The following KMT2B variants were observed in gnomAD, a reference collection of about 807,000 sequenced individuals.
The protein encoded by KMT2B is lysine methyltransferase 2B, also known as histone-lysine N-methyltransferase 2B.
Under a neutral mutation model 255.3 loss-of-function variants are expected in KMT2B, and 22 were observed. That is an observed-to-expected ratio of 0.09 (90% CI 0.06 to 0.12). The LOEUF (loss-of-function observed/expected upper bound fraction) is 0.12, where lower values mean the gene tolerates loss of function less well. Ranked by LOEUF, KMT2B falls within the 10% of genes least tolerant of loss-of-function variation. The probability of loss-of-function intolerance (pLI) is 1.00; values close to 1 mark genes in which losing one functional copy is unlikely to be tolerated. For missense variants in KMT2B, 3,149 were observed against 3,737.0 expected (o/e 0.84, Z 4.10); for synonymous variants, 1,730 against 1,498.1 (o/e 1.15, Z -3.57).
Position 35,732,245 on chromosome 19 carries a change from C to G in KMT2B, c.5696C>G (p.Pro1899Arg). 3 of 1,604,862 alleles carry G rather than the reference C, an allele frequency of 1.9e-6. No homozygotes were observed. Among genetic ancestry groups the G allele is most frequent in the Non-Finnish European group, 2.6e-6 (3 of 1,174,730 alleles). ...GSPSSLTHHI[P>R]TVGDPDFPAP... ...CCATCTTCACTGACCCACCACATCC[C>G]CACAGTGGGAGACCCGGACTTCCCA... Residue 1899 changes from proline to arginine, a missense_variant, in exon 28 of 37, where the codon CCC becomes CGC. By Grantham distance (103) the Pro-to-Arg change is moderately radical. Coordinates refer to ENST00000420124, the MANE Select transcript of KMT2B (RefSeq NM_014727.3).
In KMT2B at chr19:35,733,791, C is replaced by T. The variant is rs1568382897; in HGVS notation, c.7078C>T (p.Pro2360Ser). 1.2e-6 allele frequency: 2 copies of T among 1,613,622 alleles called. No individual in the cohort carries two copies. The highest frequency in any genetic ancestry group is 1.7e-5 in the Admixed American group (1 of 59,990). The change falls in exon 30 of 37, where the codon CCA (proline) becomes TCA (serine). Residue 2360 changes from proline (P) to serine (S), a missense_variant. Transcript: ENST00000420124. This position sits in a 1 kb window ranked among gnomAD's most constrained non-coding sequence, Gnocchi z 4.3. ...CCTCCAGGAACGGTCCCCTTTGCTGCCACTTCCGGAAGATGGTCCTCCCCA... is the reference window on the plus strand; with the variant it reads ...CCTCCAGGAACGGTCCCCTTTGCTGTCACTTCCGGAAGATGGTCCTCCCCA... ...GPLQERSPLL[P>S]LPEDGPPQVP...
chr19:35,723,050 G>A lies in KMT2B; in HGVS notation c.2778G>A (p.Lys926=). The part of the protein sequence containing the change: ...ESVPSRSRRG[K]VEAAGPGGES... The stretch of plus-strand genomic sequence containing the variant: ...TCCCGTCACGGTCCCGGCGGGGAAA[G>A]GTGGAGGCAGCAGGCCCTGGGGGAG... The change falls in exon 6 of 37, where the codon AAG becomes AAA. Residue 926 remains lysine, a synonymous_variant. Transcript: ENST00000420124. This position sits in a 1 kb window ranked among gnomAD's most constrained non-coding sequence, Gnocchi z 7.5. 2.5e-6 allele frequency: 4 copies of A among 1,612,362 alleles called. No individual in the cohort carries two copies. Among genetic ancestry groups the A allele is most frequent in the African/African-American group, 2.7e-5 (2 of 75,004 alleles).
Position 35,720,006 on chromosome 19 carries a change from G to A in KMT2B, c.659G>A (p.Arg220Gln), listed in dbSNP as rs369563501. ...ACEPSTPRRS[R>Q]GRPPGRPAGP... ...GAGCCCTCCACCCCCCGGCGGTCTC[G>A]GGGACGGCCCCCAGGACGGCCAGCA... Residue 220 changes from arginine (R) to glutamine (Q), a missense_variant, in exon 3 of 37, where the codon CGG (arginine) becomes CAG (glutamine). Arg to Gln is a conservative substitution (Grantham distance 43). Around this residue, in one of 18 missense-constraint regions of KMT2B, gnomAD observed 1,188 missense variants for 1,106.4 expected, o/e 1.07. Coordinates refer to ENST00000420124, the MANE Select transcript of KMT2B (RefSeq NM_014727.3). 7.1e-5 allele frequency: 115 copies of A among 1,612,684 alleles called. No individual in the cohort carries two copies. The highest frequency in any genetic ancestry group is 9.2e-5 in the Non-Finnish European group (108 of 1,179,572).
rs1475372147 is a variant in KMT2B, at chr19:35,738,679, G to A, written c.*122G>A. Reference sequence around the variant, plus strand: ...TCACCCCCACCCTCATGTTCAGGGTGGATGTGGGCATGCAGGTGACAAGGG... The same window carrying A: ...TCACCCCCACCCTCATGTTCAGGGTAGATGTGGGCATGCAGGTGACAAGGG... On this transcript the variant is annotated 3_prime_UTR_variant, in exon 37 of 37. Transcript: ENST00000420124. The surrounding 1 kb of genome is among the most constrained non-coding windows in gnomAD (Gnocchi z 8.7). 8 of 1,152,834 alleles carry A rather than the reference G, an allele frequency of 6.9e-6. No homozygotes were observed. The highest frequency in any genetic ancestry group is 2.5e-4 in the Middle Eastern group (1 of 3,980). The allele number at this position is 1,152,834 out of a possible 1,614,324, so 71.4% of individuals were successfully genotyped here. A position where few individuals can be genotyped will look rare whatever the true frequency, so the allele number is the denominator to read the frequency against.
rs1041725115 is a variant in KMT2B, at chr19:35,737,654, G to A, written c.7569G>A (p.Met2523Ile). ...CCTGCAGGAAGTGCACCTTTGACAT[G>A]TTCAACTTCCTGGCCTCCCAGCACC... ...EVYLRKCTFD[M>I]FNFLASQHRV... Residue 2523 changes from methionine to isoleucine, a missense_variant, in exon 34 of 37, where the codon ATG becomes ATA. Met to Ile is a conservative substitution (Grantham distance 10). This residue lies in a region of KMT2B where 103 missense variants were observed against 200.7 expected (regional missense o/e 0.51). Coordinates refer to ENST00000420124, the MANE Select transcript of KMT2B (RefSeq NM_014727.3). This position sits in a 1 kb window ranked among gnomAD's most constrained non-coding sequence, Gnocchi z 5.3. 4 of 1,563,560 alleles carry A rather than the reference G, an allele frequency of 2.6e-6. No homozygotes were observed. The highest frequency in any genetic ancestry group is 3.5e-6 in the Non-Finnish European group (4 of 1,153,454).
rs775506137 is a variant in KMT2B, at chr19:35,720,151, C to T, written c.804C>T (p.Cys268=). ...AACATCAGACTGGCAGCTGGAAATG[C>T]AAGGAGGGGCCCGGTCCAGGACCTG... ...PVKHQTGSWK[C]KEGPGPGPGT... The change falls in exon 3 of 37, where the codon TGC becomes TGT. Residue 268 remains cysteine, a synonymous_variant. Coordinates refer to ENST00000420124, the MANE Select transcript of KMT2B (RefSeq NM_014727.3). 7.5e-6 allele frequency: 12 copies of T among 1,599,666 alleles called. No homozygotes were observed. The highest frequency in any genetic ancestry group is 1.7e-5 in the Admixed American group (1 of 57,338).
In KMT2B at chr19:35,722,824, G is replaced by T. The variant is rs1340123401; in HGVS notation, c.2722+106G>T. ...GAGGGAGCCAAGTCAGGTGCTCAGG[G>T]GTTAGGTGGCAAGTGGGCTGGAGTG... On this transcript the variant is annotated intron_variant, in intron 5 of 36. Coordinates refer to ENST00000420124, the MANE Select transcript of KMT2B (RefSeq NM_014727.3). 41 of 1,463,738 alleles carry T rather than the reference G, an allele frequency of 2.8e-5. 1 individual carries two copies. The South Asian group carries it at 5.2e-4, about 19-fold the overall frequency. The allele number at this position is 1,463,738 out of a possible 1,614,324, so 90.7% of individuals were successfully genotyped here. A position where few individuals can be genotyped will look rare whatever the true frequency, so the allele number is the denominator to read the frequency against.
chr19:35,723,905 C>T lies in KMT2B; in HGVS notation c.3232C>T (p.Arg1078Cys). ...DSLLQRKSARRCVKQRPSYDI... is the reference protein window; with the variant it reads ...DSLLQRKSARCCVKQRPSYDI... ...CCTCCTGCAGCGCAAGTCAGCTCGG[C>T]GCTGCGTCAAACAGCGACCCTCCTA... Residue 1078 changes from arginine to cysteine, a missense_variant, in exon 8 of 37, where the codon CGC becomes TGC. By Grantham distance (180) the Arg-to-Cys change is radical. Around this residue, in one of 18 missense-constraint regions of KMT2B, gnomAD observed 136 missense variants for 137.3 expected, o/e 0.99. Coordinates refer to ENST00000420124, the MANE Select transcript of KMT2B (RefSeq NM_014727.3). The surrounding 1 kb of genome is among the most constrained non-coding windows in gnomAD (Gnocchi z 7.5). 2 of 1,611,804 alleles carry T rather than the reference C, an allele frequency of 1.2e-6. No individual in the cohort carries two copies. The highest frequency in any genetic ancestry group is 1.7e-6 in the Non-Finnish European group (2 of 1,179,438).
intron 2 of KMT2B, 95 bp from the exon 3 acceptor site, chr19:35,719,689 C>T: frequency 6.5e-7 from 1 of 1,526,752 alleles, no homozygotes; most frequent in Non-Finnish European, 8.8e-7. Flanking sequence ...GCGGGGGAAA[C>T]ACACAAGCAA....
chr19:35,725,708 C>G lies in KMT2B; in HGVS notation c.3790-15C>G. ...TGCCAGCAGGTTTCGCCATCTCTGTCTCCACATCCAACAGCACCTCCTGGA... is the reference window on the plus strand; with the variant it reads ...TGCCAGCAGGTTTCGCCATCTCTGTGTCCACATCCAACAGCACCTCCTGGA... On this transcript the variant is annotated splice_polypyrimidine_tract_variant and intron_variant, in intron 12 of 36. Coordinates refer to ENST00000420124, the MANE Select transcript of KMT2B (RefSeq NM_014727.3). The surrounding 1 kb of genome is among the most constrained non-coding windows in gnomAD (Gnocchi z 4.1). The G allele has an allele frequency of 1.9e-6, 3 of 1,612,720 alleles. No homozygotes were observed. Among genetic ancestry groups the G allele is most frequent in the Non-Finnish European group, 2.5e-6 (3 of 1,179,376 alleles).
At position 35,728,897 on chromosome 19, in the gene KMT2B, G is replaced by A; in HGVS notation, c.4687+8G>A. The A allele has an allele frequency of 1.2e-6, 2 of 1,613,342 alleles. No individual in the cohort carries two copies. The highest frequency in any genetic ancestry group is 1.7e-6 in the Non-Finnish European group (2 of 1,179,286). On this transcript the variant is annotated splice_region_variant and intron_variant, in intron 20 of 36. Coordinates refer to ENST00000420124, the MANE Select transcript of KMT2B (RefSeq NM_014727.3). ...CAGGGGATCCCTCAGCAGGTACTGG[G>A]AAGTGGGGGTCCAGAAGCCAGGGCC...
At chr19:35,730,163 C>T (rs769118282) in intron 23 of KMT2B, 38 bp downstream of exon 23, 39 of 1,611,790 alleles carry the variant, frequency 2.4e-5, no homozygotes, top group Non-Finnish European at 3.1e-5. Context: ...TCCTTCCCCA[C>T]CTCTCTTCCT....
In KMT2B at chr19:35,720,334, A is replaced by G; in HGVS notation, c.987A>G (p.Gln329=). The change falls in exon 3 of 37, where the codon CAA becomes CAG. Residue 329 remains glutamine, a synonymous_variant. Transcript: ENST00000420124. ...LSLGLESGQG[Q]GQHEESWQDV... is the part of the protein sequence containing the mutation. ...TGGGACTCGAATCAGGTCAAGGTCA[A>G]GGTCAACATGAGGAAAGTTGGCAGG... 8 of 1,612,140 alleles carry G rather than the reference A, an allele frequency of 5.0e-6. No homozygotes were observed. The highest frequency in any genetic ancestry group is 5.9e-6 in the Non-Finnish European group (7 of 1,179,136).
Position 35,724,688 on chromosome 19 carries a change from T to C in KMT2B, c.3386T>C (p.Leu1129Pro). The stretch of plus-strand genomic sequence containing the variant: ...CAGAGCCGGCCCCGCAAACCTACCC[T>C]GCAGCCTGTGTTGCAGCTCAAGGCC... Reference protein sequence around the residue: ...EEQSRPRKPTLQPVLQLKARR... With the variant: ...EEQSRPRKPTPQPVLQLKARR... The change falls in exon 9 of 37, where the codon CTG (leucine) becomes CCG (proline). Residue 1129 changes from leucine (L) to proline (P), a missense_variant. Physicochemically the swap from Leu to Pro is moderately conservative, Grantham distance 98. This residue lies in a region of KMT2B where 136 missense variants were observed against 137.3 expected (regional missense o/e 0.99). Transcript: ENST00000420124. The C allele has an allele frequency of 6.2e-7, 1 of 1,602,042 alleles. No homozygotes were observed. Among genetic ancestry groups the C allele is most frequent in the Non-Finnish European group, 8.5e-7 (1 of 1,174,664 alleles).
Position 35,733,895 on chromosome 19 carries a change from C to T in KMT2B, c.7159+23C>T, listed in dbSNP as rs1196675206. 1.9e-6 allele frequency: 3 copies of T among 1,543,938 alleles called. No individual in the cohort carries two copies. Among genetic ancestry groups the T allele is most frequent in the Middle Eastern group, 1.8e-4 (1 of 5,580 alleles). ...CAGGTAGGGACCGGCCTTGCCCTCT[C>T]CCTCCTTGCCTGTGCCTGGCTCAGC... On this transcript the variant is annotated intron_variant, in intron 30 of 36. Transcript: ENST00000420124. The surrounding 1 kb of genome is among the most constrained non-coding windows in gnomAD (Gnocchi z 4.3).
Position 35,738,743 on chromosome 19 carries a change from C to T in KMT2B, c.*186C>T. 2 of 632,440 alleles carry T rather than the reference C, an allele frequency of 3.2e-6. No homozygotes were observed. The highest frequency in any genetic ancestry group is 2.0e-5 in the South Asian group (1 of 49,192). The allele number at this position is 632,440 out of a possible 1,614,324, so 39.2% of individuals were successfully genotyped here. On this transcript the variant is annotated 3_prime_UTR_variant, in exon 37 of 37. Transcript: ENST00000420124. The surrounding 1 kb of genome is among the most constrained non-coding windows in gnomAD (Gnocchi z 8.7). ...CCTCCAGCCCATCCAGCAATCGCCC[C>T]CTTTCTGCCCTGGGGGCCCAGGATG...
Position 35,725,865 on chromosome 19 carries a change from C to A in KMT2B, c.3885+47C>A. On this transcript the variant is annotated intron_variant, in intron 13 of 36. Transcript: ENST00000420124. The surrounding 1 kb of genome is among the most constrained non-coding windows in gnomAD (Gnocchi z 4.1). ...CTTGCTTTGTCTCTAATGAATATCA[C>A]CACCACCCCCAAACTTGCTCTAGGC... 1 of 1,457,304 alleles carries A rather than the reference C, an allele frequency of 6.9e-7. No homozygotes were observed. Among genetic ancestry groups the A allele is most frequent in the African/African-American group, 1.4e-5 (1 of 71,248 alleles). 90.3% of individuals were successfully genotyped at this position (1,457,304 alleles called of 1,614,324 possible). A position where few individuals can be genotyped will look rare whatever the true frequency, so the allele number is the denominator to read the frequency against.
rs773702804 is a variant in KMT2B, at chr19:35,732,571, G to T, written c.6022G>T (p.Val2008Leu). The change falls in exon 28 of 37, where the codon GTA (valine) becomes TTA (leucine). Residue 2008 changes from valine to leucine, a missense_variant. This residue lies in a region of KMT2B where 897 missense variants were observed against 825.3 expected (regional missense o/e 1.09). Transcript: ENST00000420124. ...LGTEPFQEEI[V>L]AAGAMGSSHG... The stretch of plus-strand genomic sequence containing the variant: ...GACTGAGCCCTTCCAGGAAGAGATT[G>T]TAGCCGCTGGGGCCATGGGGAGCAG... 1 of 1,613,362 alleles carries T rather than the reference G, an allele frequency of 6.2e-7. No homozygotes were observed. Among genetic ancestry groups the T allele is most frequent in the Non-Finnish European group, 8.5e-7 (1 of 1,179,828 alleles).
rs746249057 is a variant in KMT2B, at chr19:35,732,774, G to A, written c.6225G>A (p.Val2075=). The A allele has an allele frequency of 1.8e-4, 296 of 1,608,714 alleles. 1 individual carries two copies. In the East Asian group the frequency reaches 5.8e-3, roughly 31 times the overall value. ...GCACTGACAGTGAGGCTGAGGCGGTGCAGCAGCCTCGGGGCCAGGGCACGC... is the reference window on the plus strand; with the variant it reads ...GCACTGACAGTGAGGCTGAGGCGGTACAGCAGCCTCGGGGCCAGGGCACGC... The part of the protein sequence containing the change: ...DDGTDSEAEA[V]QQPRGQGTPP... Residue 2075 remains valine (V), a synonymous_variant, in exon 28 of 37, where the codon GTG becomes GTA. Coordinates refer to ENST00000420124, the MANE Select transcript of KMT2B (RefSeq NM_014727.3).
Sources: allele counts gnomAD v4.1 joint callset, GRCh38; gene constraint gnomAD v4.1.1; regional missense constraint gnomAD v4.1.1; non-coding constraint Gnocchi (gnomAD v3.1); transcripts MANE v1.5; gene names NCBI Gene and HGNC (gene_info 2026-07-23, HGNC 2026-07-21).